DISC1: variants seen among roughly 807,000 people sequenced by gnomAD.
The protein encoded by DISC1 is DISC1 scaffold protein.
In DISC1, 57 loss-of-function variants were observed where a neutral mutation model predicts 84.5. The observed-to-expected ratio is 0.67, with a 90% CI of 0.55 to 0.84. The LOEUF (loss-of-function observed/expected upper bound fraction) is 0.84, where lower values mean the gene tolerates loss of function less well. DISC1 is among the 40% of genes least tolerant of loss of function. DISC1 has a pLI of 0.00. For missense variants in DISC1, 1,000 were observed against 1,057.8 expected (o/e 0.95, Z 0.76); for synonymous variants, 411 against 415.2 (o/e 0.99, Z 0.12).
intron 3 of DISC1, among the ~76,000 whole-genome samples, chr1:231,704,534 A>G (rs2066791263): frequency 6.6e-6 from 1 of 152,128 alleles, no homozygotes; most frequent in South Asian, 2.1e-4. Flanking sequence ...AGGCGGGTGG[A>G]TCACGAGGTC....
At chr1:231,792,062 C>T (rs758752558) in intron 6 of DISC1, among the ~76,000 whole-genome samples, 13 of 152,276 alleles carry the variant, frequency 8.5e-5, no homozygotes, top group South Asian at 4.1e-4. Context: ...TTCCTCATAT[C>T]GTCTGCTCCC....
At chr1:231,669,526 GA>G (rs1195641361) in intron 1 of DISC1, among the ~76,000 whole-genome samples, 2 of 150,858 alleles carry the variant, frequency 1.3e-5, no homozygotes, top group Non-Finnish European at 3.0e-5. Context: ...AAATTTACAA[GA>G]AAAAAAACAA....
intron 9 of DISC1, among the ~76,000 whole-genome samples, chr1:231,821,501 C>T (rs2081494041): frequency 6.6e-6 from 1 of 152,178 alleles, no homozygotes; most frequent in Non-Finnish European, 1.5e-5. Flanking sequence ...TAACTCCTGT[C>T]AGCTGTTCTT....
At chr1:232,026,863 C>T (rs1669525131) in intron 12 of DISC1, among the ~76,000 whole-genome samples, 1 of 150,518 alleles carries the variant, frequency 6.6e-6, no homozygotes, top group South Asian at 2.1e-4. Flanking sequence ...GTTCTCCTGC[C>T]TCAGCCTCCT....
At chr1:231,644,178 A>G (rs775269590) in intron 1 of DISC1, among the ~76,000 whole-genome samples, 9 of 152,174 alleles carry the variant, frequency 5.9e-5, no homozygotes, top group Non-Finnish European at 5.9e-5. Context: ...CAATTTTGCT[A>G]TTGCCCAAAT....
intron 9 of DISC1, among the ~76,000 whole-genome samples, chr1:231,876,541 G>GAACA (rs1395857516): frequency 6.6e-6 from 1 of 152,194 alleles, no homozygotes; most frequent in African/African-American, 2.4e-5. Flanking sequence ...ATAGCAAGAT[G>GAACA]TAGCAACAGT....
At chr1:232,030,520 G>A (rs1404809809) in intron 12 of DISC1, among the ~76,000 whole-genome samples, 1 of 152,182 alleles carries the variant, frequency 6.6e-6, no homozygotes, top group African/African-American at 2.4e-5. Flanking sequence ...CCATGTCTGG[G>A]AAGCCCTTAT....
intron 10 of DISC1, among the ~76,000 whole-genome samples, chr1:231,964,569 A>C (rs1447306981): frequency 1.3e-5 from 2 of 152,188 alleles, no homozygotes; most frequent in African/African-American, 4.8e-5. Flanking sequence ...CTCTGGCAGT[A>C]GGCAATTCTA....
intron 2 of DISC1, among the ~76,000 whole-genome samples, chr1:231,696,306 T>C (rs1356623743): frequency 6.6e-6 from 1 of 152,206 alleles, no homozygotes; most frequent in Non-Finnish European, 1.5e-5. Context: ...TTAAACTAAA[T>C]GTGATCATAT....
At chr1:231,667,456 A>G (rs563493481) in intron 1 of DISC1, among the ~76,000 whole-genome samples, 3 of 152,364 alleles carry the variant, frequency 2.0e-5, no homozygotes, top group African/African-American at 7.2e-5. Flanking sequence ...ACACACACCC[A>G]GAGTGATTAC....
chr1:231,952,689 GTTTA>G (rs1317061234), intron 9 of DISC1, among the ~76,000 whole-genome samples: 1 of 121,746 alleles, frequency 8.2e-6, no homozygotes, highest in African/African-American at 3.4e-5. Context: ...ATATATATAT[GTTTA>G]TATATATATA....
intron 4 of DISC1, among the ~76,000 whole-genome samples, chr1:231,751,557 C>G (rs1337463478): frequency 6.6e-6 from 1 of 152,078 alleles, no homozygotes; most frequent in South Asian, 2.1e-4. Flanking sequence ...CAATCATCAC[C>G]ACCATTCATC....
At chr1:232,017,559 T>C (rs1668600361) in intron 11 of DISC1, among the ~76,000 whole-genome samples, 1 of 151,396 alleles carries the variant, frequency 6.6e-6, no homozygotes, top group African/African-American at 2.4e-5. Context: ...TAGGCAAATG[T>C]ACTTTTGTGG....
At chr1:232,011,917 T>C (rs2103006333) in intron 11 of DISC1, among the ~76,000 whole-genome samples, 1 of 152,318 alleles carries the variant, frequency 6.6e-6, no homozygotes, top group South Asian at 2.1e-4. Flanking sequence ...TCTGCCGTGA[T>C]CCTCAGTTAG....
intron 9 of DISC1, among the ~76,000 whole-genome samples, chr1:231,930,067 A>G (rs1242308126): frequency 1.3e-5 from 2 of 152,216 alleles, no homozygotes; most frequent in African/African-American, 4.8e-5. Context: ...ACCTGATACA[A>G]GCAAGGGCTT....
intron 10 of DISC1, among the ~76,000 whole-genome samples, chr1:231,971,441 T>A (rs1661938796): frequency 6.6e-6 from 1 of 152,254 alleles, no homozygotes; most frequent in South Asian, 2.1e-4. Flanking sequence ...TTGCTCAATG[T>A]CCTTATCTCA....
At chr1:231,851,689 G>A (rs2083908260) in intron 9 of DISC1, among the ~76,000 whole-genome samples, 1 of 152,158 alleles carries the variant, frequency 6.6e-6, no homozygotes, top group Admixed American at 6.5e-5. Flanking sequence ...CATCTCACAT[G>A]TAAGGGCCAT....
At chr1:231,869,790 A>G (rs993346758) in intron 9 of DISC1, among the ~76,000 whole-genome samples, 5 of 152,168 alleles carry the variant, frequency 3.3e-5, no homozygotes, top group African/African-American at 7.2e-5. Flanking sequence ...GGAGGGGCCA[A>G]GTATCTAAAC....
At chr1:231,809,317 G>C (rs1352905736) in intron 8 of DISC1, among the ~76,000 whole-genome samples, 1 of 152,112 alleles carries the variant, frequency 6.6e-6, no homozygotes, top group Non-Finnish European at 1.5e-5. Context: ...GAGGGAGCCT[G>C]GTGAGGGAAT....
Sources: gnomAD v4.1 joint callset for allele counts (sites outside exome capture counted in the v4.1 genomes callset) on GRCh38, gnomAD v4.1.1 for gene constraint, MANE v1.5 for transcripts, NCBI Gene and HGNC (gene_info 2026-07-23, HGNC 2026-07-21) for gene names.